The following PATJ variants were observed in gnomAD, a reference collection of about 807,000 sequenced individuals.
The protein encoded by PATJ is inaD-like protein.
In PATJ, 190 loss-of-function variants were observed where a neutral mutation model predicts 224.9. The ratio of observed to expected loss-of-function variants is 0.84; its 90% confidence interval spans 0.75 to 0.95. The LOEUF (loss-of-function observed/expected upper bound fraction) is 0.95, where lower values mean the gene tolerates loss of function less well. Ranked by LOEUF, PATJ falls within the 40% of genes least tolerant of loss-of-function variation. The probability of loss-of-function intolerance (pLI) is 0.00; values close to 1 mark genes in which losing one functional copy is unlikely to be tolerated. For missense variants in PATJ, 2,121 were observed against 2,270.3 expected (o/e 0.93, Z 1.34); for synonymous variants, 769 against 820.3 (o/e 0.94, Z 1.07).
intron 33 of PATJ, among the ~76,000 whole-genome samples, chr1:62,106,553 T>C (rs1393419518): frequency 2.6e-5 from 4 of 152,030 alleles, no homozygotes; most frequent in Non-Finnish European, 4.4e-5. Flanking sequence ...ATTTTGTCTA[T>C]CTTGTCACAT....
chr1:62,150,721 T>C (rs1040114281), intron 42 of PATJ, among the ~76,000 whole-genome samples: 54 of 138,276 alleles, frequency 3.9e-4, no homozygotes, highest in Admixed American at 3.0e-3. Flanking sequence ...AATAAACAGG[T>C]GGCATTCAAA....
At chr1:61,746,094 A>AATATAT (rs34430786) in intron 1 of PATJ, among the ~76,000 whole-genome samples, 2,028 of 148,284 alleles carry the variant, frequency 0.014, 40 homozygotes, top group African/African-American at 0.039. Context: ...ACCACTGGGT[A>AATATAT]ATATATATAT....
At chr1:62,084,167 T>C (rs1205617442) in intron 32 of PATJ, among the ~76,000 whole-genome samples, 1 of 152,108 alleles carries the variant, frequency 6.6e-6, no homozygotes, top group African/African-American at 2.4e-5. Context: ...GGCAGGAGAA[T>C]TGCTTGAACC....
chr1:61,844,937 A>G (rs1661691553), intron 17 of PATJ, among the ~76,000 whole-genome samples: 1 of 152,134 alleles, frequency 6.6e-6, no homozygotes. Context: ...CAGCCATGCG[A>G]AACTGTGAGT....
intron 43 of PATJ, among the ~76,000 whole-genome samples, chr1:62,155,016 A>AGAT (rs1255724450): frequency 2.0e-4 from 31 of 152,214 alleles, no homozygotes; most frequent in Non-Finnish European, 1.5e-4. Flanking sequence ...TCCCCAAGGT[A>AGAT]GATAAACCAT....
chr1:61,836,349 T>C (rs1438727284), intron 17 of PATJ, among the ~76,000 whole-genome samples: 2 of 152,240 alleles, frequency 1.3e-5, no homozygotes, highest in African/African-American at 4.8e-5. Context: ...GTACAAATTA[T>C]GTAAAATAAT....
At chr1:61,922,589 G>A (rs1277072286) in intron 26 of PATJ, among the ~76,000 whole-genome samples, 1 of 152,224 alleles carries the variant, frequency 6.6e-6, no homozygotes, top group Admixed American at 6.5e-5. Context: ...CTCCAGGCAA[G>A]TGTCACCTTC....
intron 28 of PATJ, among the ~76,000 whole-genome samples, chr1:62,011,718 G>GC (rs1646461266): frequency 2.0e-5 from 2 of 100,712 alleles, no homozygotes; most frequent in Non-Finnish European, 3.8e-5. Context: ...CTTTCCATTT[G>GC]TAAAAAAAAA....
intron 7 of PATJ, among the ~76,000 whole-genome samples, chr1:61,777,675 ATTTTCTTCCTT>A (rs1646989740): frequency 3.2e-5 from 3 of 95,060 alleles, no homozygotes; most frequent in African/African-American, 1.5e-4. Flanking sequence ...TGGATATTCT[ATTTTCTTCCTT>A]TTTTCTTTCT....
intron 33 of PATJ, among the ~76,000 whole-genome samples, chr1:62,099,922 CT>C (rs1661937310): frequency 6.6e-6 from 1 of 152,122 alleles, no homozygotes; most frequent in Non-Finnish European, 1.5e-5. Flanking sequence ...TTATGAGTTA[CT>C]TTATCTACCT....
intron 30 of PATJ, among the ~76,000 whole-genome samples, chr1:62,048,545 C>CAAAAAAAAAAAAAAAGAAAAAAAA (rs1652967127): frequency 1.5e-5 from 1 of 66,166 alleles, no homozygotes; most frequent in Non-Finnish European, 3.2e-5. Context: ...GACTCTGTCT[C>CAAAAAAAAAAAAAAAGAAAAAAAA]AAAAAAAAAA....
intron 11 of PATJ, among the ~76,000 whole-genome samples, chr1:61,800,981 G>A (rs1652364304): frequency 6.6e-6 from 1 of 152,184 alleles, no homozygotes; most frequent in Non-Finnish European, 1.5e-5. Flanking sequence ...GTCTATCACT[G>A]ATAGACATTT....
intron 42 of PATJ, among the ~76,000 whole-genome samples, chr1:62,148,862 C>T (rs1160530579): frequency 2.0e-5 from 3 of 152,138 alleles, no homozygotes; most frequent in African/African-American, 2.4e-5. Flanking sequence ...CTCAGTGGCT[C>T]ATGCCTGTAA....
At chr1:62,145,381 G>A (rs1667940275) in intron 41 of PATJ, among the ~76,000 whole-genome samples, 1 of 152,206 alleles carries the variant, frequency 6.6e-6, no homozygotes, top group Non-Finnish European at 1.5e-5. Context: ...AAGGAAACAG[G>A]CCAGGTAAGG....
intron 11 of PATJ, among the ~76,000 whole-genome samples, chr1:61,800,561 T>C (rs571833413): frequency 4.6e-5 from 7 of 152,234 alleles, no homozygotes; most frequent in Non-Finnish European, 1.0e-4. Context: ...CCTATTTTGC[T>C]ATGCAGAAGC....
At chr1:62,134,736 T>C (rs1306373801) in intron 41 of PATJ, among the ~76,000 whole-genome samples, 1 of 152,164 alleles carries the variant, frequency 6.6e-6, no homozygotes, top group Non-Finnish European at 1.5e-5. Context: ...TTCCAGACCA[T>C]GGTTCTCCAA....
chr1:61,863,986 C>T (rs1207305940), intron 19 of PATJ, among the ~76,000 whole-genome samples: 3 of 152,150 alleles, frequency 2.0e-5, no homozygotes, highest in South Asian at 2.1e-4. Context: ...GTATAATGAA[C>T]GTTTTAGCAA....
At chr1:62,125,229 C>G (rs1230696215) in intron 39 of PATJ, among the ~76,000 whole-genome samples, 1 of 106,796 alleles carries the variant, frequency 9.4e-6, no homozygotes, top group African/African-American at 4.1e-5. Context: ...AGAGTAAAAC[C>G]CTGTCTCAAA....
chr1:61,765,065 C>CTTTTTTTTTTTT, intron 3 of PATJ, among the ~76,000 whole-genome samples: 1 of 16,998 alleles, frequency 5.9e-5, no homozygotes. Flanking sequence ...TATTGACATT[C>CTTTTTTTTTTTT]ATTTTTTTTT....
Sources: gnomAD v4.1 joint callset for allele counts (sites outside exome capture counted in the v4.1 genomes callset) on GRCh38, gnomAD v4.1.1 for gene constraint, MANE v1.5 for transcripts, NCBI Gene and HGNC (gene_info 2026-07-23, HGNC 2026-07-21) for gene names.